Variants in PMEL observed in about 807,000 individuals in gnomAD.
PMEL encodes premelanosome protein.
In PMEL, 53 loss-of-function variants were observed where a neutral mutation model predicts 64.9. The observed-to-expected ratio is 0.82, with a 90% CI of 0.66 to 1.03. The LOEUF is 1.03. PMEL is among the 50% of genes least tolerant of loss of function. PMEL has a pLI of 0.00. For synonymous variants in PMEL, 299 were observed against 316.2 expected, an observed-to-expected ratio of 0.95 and a Z score of 0.58; for missense variants, 716 against 814.9, an observed-to-expected ratio of 0.88 and a Z score of 1.48.
upstream of PMEL, chr12:55,966,048 G>T (rs746864135): frequency 1.9e-6 from 3 of 1,614,182 alleles, no homozygotes; most frequent in Non-Finnish European, 2.5e-6. Context: ...GCACTGGGGG[G>T]ACTGGGATAG....
chr12:55,957,028 C>G lies in PMEL; in HGVS notation c.1275G>C (p.Glu425Asp). The G allele has an allele frequency of 6.2e-7, 1 of 1,614,216 alleles. No individual in the cohort carries two copies. Among genetic ancestry groups the G allele is most frequent in the Non-Finnish European group, 8.5e-7 (1 of 1,180,024 alleles). The change falls in exon 6 of 11, where the codon GAG (glutamate) becomes GAC (aspartate). Residue 425 changes from glutamate (E) to aspartate (D), a missense_variant. By Grantham distance (45) the Glu-to-Asp change is conservative. Coordinates refer to ENST00000548747, the MANE Select transcript of PMEL (RefSeq NM_001384361.1). ...AAQVTTTEWV[E>D]TTARELPIPE... ...GGATAGGTAGCTCTCTAGCTGTGGT[C>G]TCCACCCACTCTGTAGTTGTTACCT...
At chr12:55,956,262 A>G (rs777151211) in intron 6 of PMEL, 43 bp from the exon 7 acceptor site, 1 of 1,292,788 alleles carries the variant, frequency 7.7e-7, no homozygotes, top group South Asian at 1.2e-5. Context: ...GAGACAGATG[A>G]CTCATCTGGA....
At chr12:55,958,222 T>TG (rs1437990297) in intron 4 of PMEL, 138 bp from the exon 5 acceptor site, 3 of 941,538 alleles carry the variant, frequency 3.2e-6, no homozygotes, top group African/African-American at 1.7e-5. Context: ...GGCTGTGATA[T>TG]GGGGGGACAG....
chr12:55,958,812 T>C lies in PMEL; in HGVS notation c.335-205A>G, dbSNP rs986682768. On this transcript the variant is annotated intron_variant, in intron 3 of 10. Transcript: ENST00000548747. ...CATTTTTTTTTTAGAGACAGGGTCT[T>C]AGTCTGATGCCCAGGCTGGAGTGCA... is the stretch of plus-strand genomic sequence containing the variant. The C allele has an allele frequency of 8.7e-5, 47 of 543,032 alleles. 1 individual carries two copies. The highest frequency in any genetic ancestry group is 9.8e-4 in the Middle Eastern group (2 of 2,034). The allele number at this position is 543,032 out of a possible 1,614,324, so 33.6% of individuals were successfully genotyped here.
Position 55,955,458 on chromosome 12 carries a change from AC to A in PMEL, c.1762+5del. ...TCCTCATCTTAGCTCTTGTCCAAGG[AC>A]CTACCAGGCATGATAAGCTGGGTGC... On this transcript the variant is annotated splice_donor_5th_base_variant and intron_variant, in intron 9 of 10. Transcript: ENST00000548747. 1 of 1,613,884 alleles carries A rather than the reference AC, an allele frequency of 6.2e-7. No individual in the cohort carries two copies. Among genetic ancestry groups the A allele is most frequent in the Non-Finnish European group, 8.5e-7 (1 of 1,179,866 alleles).
Position 55,957,322 on chromosome 12 carries a change from C to T in PMEL, c.981G>A (p.Val327=). 6.2e-7 allele frequency: 1 copy of T among 1,602,718 alleles called. No homozygotes were observed. Among genetic ancestry groups the T allele is most frequent in the Non-Finnish European group, 8.5e-7 (1 of 1,172,620 alleles). Residue 327 remains valine (V), a synonymous_variant, in exon 6 of 11, where the codon GTG becomes GTA. Coordinates refer to ENST00000548747, the MANE Select transcript of PMEL (RefSeq NM_001384361.1). Reference sequence around the variant, plus strand: ...TAGTACCCACAACTTCTGTAGTAGGCACTTGGCCAGCTGTGGTGTTAGGGG... The same window carrying T: ...TAGTACCCACAACTTCTGTAGTAGGTACTTGGCCAGCTGTGGTGTTAGGGG... ...AEAPNTTAGQ[V]PTTEVVGTTP...
chr12:55,958,338 A>G (rs561066601), intron 4 of PMEL, 135 bp downstream of exon 4: 1 of 974,758 alleles, frequency 1.0e-6, no homozygotes, highest in Admixed American at 2.6e-5. Flanking sequence ...TAAGAAAGAG[A>G]AAAGATCTAA....
chr12:55,958,259 T>A (rs1888973420), intron 4 of PMEL, 175 bp from the exon 5 acceptor site: 1 of 776,170 alleles, frequency 1.3e-6, no homozygotes, highest in Admixed American at 2.8e-5. Context: ...AGGCATTCCA[T>A]GGGGTAGGAC....
intron 6 of PMEL, 98 bp from the exon 7 acceptor site, chr12:55,956,317 T>A: frequency 1.3e-6 from 1 of 747,642 alleles, no homozygotes; most frequent in East Asian, 2.5e-5. Flanking sequence ...CCAGAGTTAC[T>A]GGATTCTGGA....
intron 4 of PMEL, 110 bp downstream of exon 4, chr12:55,958,363 T>A: frequency 9.0e-7 from 1 of 1,113,416 alleles, no homozygotes; most frequent in South Asian, 1.5e-5. Flanking sequence ...AAAATGAAGA[T>A]TAGAGAAAAT....
Position 55,957,635 on chromosome 12 carries a change from C to T in PMEL, c.668G>A (p.Arg223Gln), listed in dbSNP as rs142962639. ...GTGCTTGTTCCCTCCATCCAAGGCC[C>T]GCAACTGGGACACGCTCACGGAGAA... ...VPFSVSVSQL[R>Q]ALDGGNKHFL... Residue 223 changes from arginine (R) to glutamine (Q), a missense_variant, in exon 6 of 11, where the codon CGG becomes CAG. Arg to Gln is a conservative substitution (Grantham distance 43). Coordinates refer to ENST00000548747, the MANE Select transcript of PMEL (RefSeq NM_001384361.1). The T allele has an allele frequency of 1.3e-4, 206 of 1,612,352 alleles. 1 individual carries two copies. Among genetic ancestry groups the T allele is most frequent in the South Asian group, 1.8e-4 (16 of 90,852 alleles).
At chr12:55,956,353 C>T (rs1429431476) in intron 6 of PMEL, 134 bp from the exon 7 acceptor site, 14 of 638,134 alleles carry the variant, frequency 2.2e-5, no homozygotes, top group African/African-American at 3.6e-5. Flanking sequence ...TCAGATAAGA[C>T]CTGGGAAACC....
chr12:55,960,246 GA>G (rs138853600), intron 3 of PMEL, among the ~76,000 whole-genome samples: 1,872 of 142,156 alleles, frequency 0.013, 60 homozygotes, highest in African/African-American at 0.049. Context: ...GAAAAGAAAA[GA>G]AAAAAAAAGA....
At chr12:55,961,277 G>A in intron 3 of PMEL, 40 bp downstream of exon 3, 1 of 1,596,790 alleles carries the variant, frequency 6.3e-7, no homozygotes, top group Non-Finnish European at 8.6e-7. Flanking sequence ...CAGGGAACCT[G>A]AGCCCTAGGA....
intron 4 of PMEL, 104 bp from the exon 5 acceptor site, chr12:55,958,188 G>A: frequency 8.3e-7 from 1 of 1,201,372 alleles, no homozygotes; most frequent in Non-Finnish European, 1.2e-6. Context: ...CAGGAAGTAT[G>A]ATTACTTCTG....
Position 55,961,457 on chromosome 12 carries a change from T to G in PMEL, c.194A>C (p.Gln65Pro). 6.2e-7 allele frequency: 1 copy of G among 1,614,108 alleles called. No individual in the cohort carries two copies. The highest frequency in any genetic ancestry group is 1.1e-5 in the South Asian group (1 of 91,090). Residue 65 changes from glutamine (Q) to proline (P), a missense_variant, in exon 3 of 11, where the codon CAA becomes CCA. Physicochemically the swap from Gln to Pro is moderately conservative, Grantham distance 76. Coordinates refer to ENST00000548747, the MANE Select transcript of PMEL (RefSeq NM_001384361.1). ...AQRLDCWRGG[Q>P]VSLKVSNDGP... The stretch of plus-strand genomic sequence containing the variant: ...ATCATTACTGACCTTGAGGGACACT[T>G]GACCACCTGGGAAGGAAAGCTACAT...
rs186779335 is a variant in PMEL at position 55,956,481 on chromosome 12, A to G, written c.1355-262T>C. 2.1e-5 allele frequency: 9 copies of G among 429,702 alleles called. No individual in the cohort carries two copies. The Admixed American group carries it at 2.3e-4, about 11-fold the overall frequency. The allele number at this position is 429,702 out of a possible 1,614,324, so 26.6% of individuals were successfully genotyped here. On this transcript the variant is annotated intron_variant, in intron 6 of 10. Transcript: ENST00000548747. ...TCAAATGTTTATCACACCCCACACT[A>G]TGTCAGGTCCTAGGCTAGACATTCA... is the stretch of plus-strand genomic sequence containing the variant.
intron 10 of PMEL, among the ~76,000 whole-genome samples, chr12:55,954,569 AC>A (rs932895876): frequency 6.6e-6 from 1 of 151,788 alleles, no homozygotes; most frequent in African/African-American, 2.4e-5. Flanking sequence ...GGACCATGCC[AC>A]CCCAGGCCTG....
intron 2 of PMEL, 73 bp downstream of exon 2, chr12:55,961,549 C>G: frequency 6.3e-7 from 1 of 1,588,828 alleles, no homozygotes; most frequent in Non-Finnish European, 8.6e-7. Context: ...AAGCTACACT[C>G]GATGCAGTTC....
Sources: gnomAD v4.1 joint callset for allele counts (sites outside exome capture counted in the v4.1 genomes callset) on GRCh38, gnomAD v4.1.1 for gene constraint, MANE v1.5 for transcripts, NCBI Gene and HGNC (gene_info 2026-07-23, HGNC 2026-07-21) for gene names.